Variants in TTN observed in about 807,000 individuals in gnomAD.
TTN encodes titin, also known as connectin.
In TTN, 1,525 loss-of-function variants were observed where a neutral mutation model predicts 3,223.0. The ratio of observed to expected loss-of-function variants is 0.47; its 90% CI spans 0.45 to 0.49. The LOEUF is 0.49. TTN is among the 20% of genes least tolerant of loss of function. The pLI is 0.00. For synonymous variants in TTN, 14,094 were observed against 15,161.0 expected, an observed-to-expected ratio of 0.93 and a Z score of 5.17; for missense variants, 40,786 against 43,424.0, an observed-to-expected ratio of 0.94 and a Z score of 5.40.
chr2:178,644,461 A>G, intron 218 of TTN, 87 bp downstream of exon 218: 1 of 1,003,788 alleles, frequency 1.0e-6, no homozygotes, highest in Non-Finnish European at 1.4e-6. Context: ...TGAAAAAGAG[A>G]GACAGAACAT....
rs868000266 is a variant in TTN at position 178,718,330 on chromosome 2, G to T, written c.24776C>A (p.Ser8259Tyr). ...GGTAGCTGTCAACACACCTAAGACAGACACCAGAGCTTCACAGATATCTTG... is the reference window on the plus strand; with the variant it reads ...GGTAGCTGTCAACACACCTAAGACATACACCAGAGCTTCACAGATATCTTG... ...AGQDICEALVSVLEPPYFIEP... is the reference protein window; with the variant it reads ...AGQDICEALVYVLEPPYFIEP... The change falls in exon 85 of 363, where the codon TCT (serine) becomes TAT (tyrosine). Residue 8259 changes from serine to tyrosine, a missense_variant. By Grantham distance (144) the Ser-to-Tyr change is moderately radical. Transcript: ENST00000589042. 13 of 1,613,038 alleles carry T rather than the reference G, an allele frequency of 8.1e-6. No individual in the cohort carries two copies. The Middle Eastern group carries it at 2.0e-3, about 246-fold the overall frequency.
At position 178,559,418 on chromosome 2, in the gene TTN, T is replaced by C. The variant is rs764838711; in HGVS notation, c.86714A>G (p.Lys28905Arg). The C allele has an allele frequency of 1.2e-6, 2 of 1,613,604 alleles. No individual in the cohort carries two copies. Among genetic ancestry groups the C allele is most frequent in the African/African-American group, 1.3e-5 (1 of 74,906 alleles). The change falls in exon 326 of 363, where the codon AAA becomes AGA. Residue 28905 changes from lysine to arginine, a missense_variant. Physicochemically the swap from Lys to Arg is conservative, Grantham distance 26. Transcript: ENST00000589042. ...AGCTCCTTCTTGTAAATTGGTAACT[T>C]TGTAGGAGAGGCGGTTACAGTTGTT... ...VTNNCNRLSY[K>R]VTNLQEGAIY... is the part of the protein sequence containing the mutation.
rs773342572 is a variant in TTN at position 178,725,396 on chromosome 2, C to T, written c.20808G>A (p.Arg6936=). ...ICQIKNDGGM[R]ENMATLMVLE... is the part of the protein sequence containing the mutation. ...AGACCATCAGTGTGGCCATGTTCTC[C>T]CTCATTCCACCATCATTCTTGATTT... Residue 6936 remains arginine (R), a synonymous_variant, in exon 71 of 363, where the codon AGG becomes AGA. Transcript: ENST00000589042. 33 of 1,594,474 alleles carry T rather than the reference C, an allele frequency of 2.1e-5. No homozygotes were observed. Among genetic ancestry groups the T allele is most frequent in the East Asian group, 1.8e-4 (8 of 44,482 alleles).
chr2:178,530,574 A>G lies in TTN; in HGVS notation c.106041T>C (p.Asn35347=), dbSNP rs1307017855. The change falls in exon 358 of 363, where the codon AAT becomes AAC. Residue 35347 remains asparagine (N), a synonymous_variant. Coordinates refer to ENST00000589042, the MANE Select transcript of TTN (RefSeq NM_001267550.2). ...CTCCTTGATCAGATTCAGTGAGGTT[A>G]TTGATTTTGAGCTCATAGGTACCAT... ...SADGTYELKI[N]NLTESDQGEY... 6.2e-7 allele frequency: 1 copy of G among 1,614,008 alleles called. No individual in the cohort carries two copies. The highest frequency in any genetic ancestry group is 1.1e-5 in the South Asian group (1 of 91,082).
At position 178,557,075 on chromosome 2, in the gene TTN, G is replaced by C; in HGVS notation, c.88079C>G (p.Ala29360Gly). The C allele has an allele frequency of 6.2e-7, 1 of 1,613,674 alleles. No individual in the cohort carries two copies. Among genetic ancestry groups the C allele is most frequent in the Non-Finnish European group, 8.5e-7 (1 of 1,179,790 alleles). Residue 29360 changes from alanine to glycine, a missense_variant, in exon 330 of 363, where the codon GCT becomes GGT. Ala to Gly is a moderately conservative substitution (Grantham distance 60). Transcript: ENST00000589042. The part of the protein sequence containing the change: ...NSVSLSWQQP[A>G]FDGGSKITGY... ...TGTAATCTTGCTACCTCCATCGAAA[G>C]CTGGTTGTTGCCATGAAAGGCTGAC...
Position 178,728,166 on chromosome 2 carries a change from C to A in TTN, c.19658G>T (p.Cys6553Phe). The change falls in exon 67 of 363, where the codon TGC (cysteine) becomes TTC (phenylalanine). Residue 6553 changes from cysteine to phenylalanine, a missense_variant. Physicochemically the swap from Cys to Phe is radical, Grantham distance 205. Coordinates refer to ENST00000589042, the MANE Select transcript of TTN (RefSeq NM_001267550.2). ...ATCTCCTGCTACATTTGACACTTTG[C>A]ATGTGTAATTTGCAGTATCTTCTAA... ...LELEDTANYT[C>F]KVSNVAGDDA... 6.2e-7 allele frequency: 1 copy of A among 1,610,260 alleles called. No homozygotes were observed. The highest frequency in any genetic ancestry group is 8.5e-7 in the Non-Finnish European group (1 of 1,177,768).
chr2:178,701,222 G>T lies in TTN; in HGVS notation c.30599-19C>A. 2 of 1,591,690 alleles carry T rather than the reference G, an allele frequency of 1.3e-6. No homozygotes were observed. Among genetic ancestry groups the T allele is most frequent in the African/African-American group, 1.4e-5 (1 of 73,816 alleles). On this transcript the variant is annotated intron_variant, in intron 110 of 362. Coordinates refer to ENST00000589042, the MANE Select transcript of TTN (RefSeq NM_001267550.2). ...GGGATTTCTGAAGAAAATAAATGCCGTTAGTAACATGTTTTAGTTTCTTAT... is the reference window on the plus strand; with the variant it reads ...GGGATTTCTGAAGAAAATAAATGCCTTTAGTAACATGTTTTAGTTTCTTAT...
Position 178,728,776 on chromosome 2 carries a change from G to C in TTN, c.19150C>G (p.Pro6384Ala). 6.3e-7 allele frequency: 1 copy of C among 1,594,090 alleles called. No homozygotes were observed. Among genetic ancestry groups the C allele is most frequent in the Non-Finnish European group, 8.6e-7 (1 of 1,165,940 alleles). ...RCYAFLLVQEPAQIVEKAKSV... is the reference protein window; with the variant it reads ...RCYAFLLVQEAAQIVEKAKSV... ...TTAGCTTTCTCTACGATTTGAGCTG[G>C]TTCTGTAGTAAAAATGAAAATGTGG... Residue 6384 changes from proline (P) to alanine (A), a missense_variant and splice_region_variant, in exon 66 of 363, where the codon CCA (proline) becomes GCA (alanine). Transcript: ENST00000589042.
rs2079186805 is a variant in TTN at position 178,725,520 on chromosome 2, A to C, written c.20684T>G (p.Ile6895Ser). 1 of 1,613,130 alleles carries C rather than the reference A, an allele frequency of 6.2e-7. No individual in the cohort carries two copies. Among genetic ancestry groups the C allele is most frequent in the Non-Finnish European group, 8.5e-7 (1 of 1,179,488 alleles). ...VQWLKEKEEV[I>S]RESENIRITF... The stretch of plus-strand genomic sequence containing the variant: ...AATCCTGATGTTTTCACTTTCTCTA[A>C]TCACTTCTTCCTTCTCTTTAAGCCA... The change falls in exon 71 of 363, where the codon ATT becomes AGT. Residue 6895 changes from isoleucine to serine, a missense_variant. Coordinates refer to ENST00000589042, the MANE Select transcript of TTN (RefSeq NM_001267550.2).
chr2:178,551,026 A>G lies in TTN; in HGVS notation c.91505T>C (p.Val30502Ala). The G allele has an allele frequency of 6.2e-7, 1 of 1,613,486 alleles. No individual in the cohort carries two copies. The highest frequency in any genetic ancestry group is 8.5e-7 in the Non-Finnish European group (1 of 1,179,664). Reference sequence around the variant, plus strand: ...CTGTGAGGGCGGGCTTATAGTTCCAACAGCATTTCTTGCAATTATTCTGAA... The same window carrying G: ...CTGTGAGGGCGGGCTTATAGTTCCAGCAGCATTTCTTGCAATTATTCTGAA... ...YEFRIIARNA[V>A]GTISPPSQSS... Residue 30502 changes from valine (V) to alanine (A), a missense_variant, in exon 336 of 363, where the codon GTT (valine) becomes GCT (alanine). Transcript: ENST00000589042.
rs374803648 is a variant in TTN at position 178,768,130 on chromosome 2, G to A, written c.9189C>T (p.His3063=). Residue 3063 remains histidine (H), a synonymous_variant, in exon 39 of 363, where the codon CAC becomes CAT. Coordinates refer to ENST00000589042, the MANE Select transcript of TTN (RefSeq NM_001267550.2). ...VEARHIEFRK[H]IKDIKVLEKK... Reference sequence around the variant, plus strand: ...TCTCCAGTACCTTAATGTCCTTAATGTGTTTCCTAAATTCTATATGACGAG... The same window carrying A: ...TCTCCAGTACCTTAATGTCCTTAATATGTTTCCTAAATTCTATATGACGAG... 6.2e-7 allele frequency: 1 copy of A among 1,613,998 alleles called. No individual in the cohort carries two copies. Among genetic ancestry groups the A allele is most frequent in the African/African-American group, 1.3e-5 (1 of 75,020 alleles).
At chr2:178,744,188 A>C (rs2154321715) in intron 47 of TTN, among the ~76,000 whole-genome samples, 1 of 152,104 alleles carries the variant, frequency 6.6e-6, no homozygotes, top group Non-Finnish European at 1.5e-5. Flanking sequence ...TGCTAAATGC[A>C]GGTGACAAAT....
chr2:178,751,143 T>C (rs1042790702), intron 47 of TTN: 1 of 1,612,730 alleles, frequency 6.2e-7, no homozygotes, highest in African/African-American at 1.3e-5. Flanking sequence ...AGATCAGACA[T>C]AGATCTGATT....
At chr2:178,695,628 G>C (rs980611622) in intron 114 of TTN, among the ~76,000 whole-genome samples, 1 of 151,960 alleles carries the variant, frequency 6.6e-6, no homozygotes, top group Admixed American at 6.6e-5. Flanking sequence ...TTCTGCATTA[G>C]AAATTAGCAC....
rs2055222986 is a variant in TTN at position 178,607,662 on chromosome 2, C to T, written c.53026G>A (p.Val17676Ile). 6.2e-7 allele frequency: 1 copy of T among 1,612,880 alleles called. No homozygotes were observed. The highest frequency in any genetic ancestry group is 8.5e-7 in the Non-Finnish European group (1 of 1,179,364). ...PQEPPAVELD[V>I]SVKGGIQIMA... ...ATTTGTATTCCACCCTTGACAGAAA[C>T]ATCCAGTTCCACAGCTGGAGGCTCT... Residue 17676 changes from valine to isoleucine, a missense_variant, in exon 277 of 363, where the codon GTT (valine) becomes ATT (isoleucine). Physicochemically the swap from Val to Ile is conservative, Grantham distance 29. Coordinates refer to ENST00000589042, the MANE Select transcript of TTN (RefSeq NM_001267550.2).
rs2077769834 is a variant in TTN at position 178,718,086 on chromosome 2, G to C, written c.24920C>G (p.Ala8307Gly). ...WYKEHTKLRS[A>G]PAYKMQFKNN... is the part of the protein sequence containing the mutation. ...TTTGAATTGCATTTTATATGCAGGAGCTGATCGTAGCTTTGTGTGTTCTTT... is the reference window on the plus strand; with the variant it reads ...TTTGAATTGCATTTTATATGCAGGACCTGATCGTAGCTTTGTGTGTTCTTT... The change falls in exon 86 of 363, where the codon GCT becomes GGT. Residue 8307 changes from alanine to glycine, a missense_variant. By Grantham distance (60) the Ala-to-Gly change is moderately conservative. Coordinates refer to ENST00000589042, the MANE Select transcript of TTN (RefSeq NM_001267550.2). The C allele has an allele frequency of 6.2e-7, 1 of 1,613,408 alleles. No individual in the cohort carries two copies.
rs367799017 is a variant in TTN, at chr2:178,602,002, C to G, written c.55269G>C (p.Lys18423Asn). The G allele has an allele frequency of 8.7e-6, 14 of 1,612,472 alleles. No individual in the cohort carries two copies. Among genetic ancestry groups the G allele is most frequent in the Non-Finnish European group, 1.2e-5 (14 of 1,179,174 alleles). ...AAGAGGAGAATGGTTATTTTCCTAC[C>G]TTCATTGCTTTCTTTGCCTTTCCAT... ...EFDGKAKKAMKDGVHDIPEDA... is the reference protein window; with the variant it reads ...EFDGKAKKAMNDGVHDIPEDA... The change falls in exon 284 of 363, where the codon AAG (lysine) becomes AAC (asparagine). Residue 18423 changes from lysine (K) to asparagine (N), a missense_variant and splice_region_variant. By Grantham distance (94) the Lys-to-Asn change is moderately conservative. Coordinates refer to ENST00000589042, the MANE Select transcript of TTN (RefSeq NM_001267550.2).
In TTN at chr2:178,728,750, T is replaced by C; in HGVS notation, c.19176A>G (p.Lys6392=). The C allele has an allele frequency of 6.2e-7, 1 of 1,603,490 alleles. No individual in the cohort carries two copies. ...GATCTTTCTCCGTAACATCAACTGATTTAGCTTTCTCTACGATTTGAGCTG... is the reference window on the plus strand; with the variant it reads ...GATCTTTCTCCGTAACATCAACTGACTTAGCTTTCTCTACGATTTGAGCTG... ...QEPAQIVEKA[K]SVDVTEKDPM... The change falls in exon 66 of 363, where the codon AAA becomes AAG. Residue 6392 remains lysine (K), a synonymous_variant. Transcript: ENST00000589042.
Position 178,640,100 on chromosome 2 carries a change from G to A in TTN, c.40734C>T (p.Ile13578=). The change falls in exon 222 of 363, where the codon ATC becomes ATT. Residue 13578 remains isoleucine (I), a synonymous_variant. Transcript: ENST00000589042. ...GTGCAGGGAGAGGTATTGCTGGCTTGATTTCAGGCACTGAAATAATTTAGA... is the reference window on the plus strand; with the variant it reads ...GTGCAGGGAGAGGTATTGCTGGCTTAATTTCAGGCACTGAAATAATTTAGA... ...KIPEPTKVPE[I]KPAIPLPAPE... 6.2e-7 allele frequency: 1 copy of A among 1,611,756 alleles called. No homozygotes were observed. Among genetic ancestry groups the A allele is most frequent in the Non-Finnish European group, 8.5e-7 (1 of 1,178,638 alleles).
Sources: gnomAD v4.1 joint callset for allele counts (sites outside exome capture counted in the v4.1 genomes callset) on GRCh38, gnomAD v4.1.1 for gene constraint, MANE v1.5 for transcripts, NCBI Gene and HGNC (gene_info 2026-07-23, HGNC 2026-07-21) for gene names.